Variants in WDR49 observed in about 807,000 individuals in gnomAD.
The protein encoded by WDR49 is cilia- and flagella-associated protein 337.
Under a neutral mutation model 119.5 loss-of-function variants are expected in WDR49, and 107 were observed. The ratio of observed to expected loss-of-function variants is 0.90; its 90% CI spans 0.77 to 1.05. The LOEUF is 1.05. Among genes scored for constraint, WDR49 ranks in the 50% least tolerant of loss-of-function variants. The probability of loss-of-function intolerance (pLI) is 0.00; values close to 1 mark genes in which losing one functional copy is unlikely to be tolerated. For synonymous variants in WDR49, 425 were observed against 418.8 expected (o/e 1.01, Z -0.18); for missense variants, 1,240 against 1,220.5 (o/e 1.02, Z -0.24).
At chr3:167,521,303 T>C (rs954750472) in intron 16 of WDR49, among the ~76,000 whole-genome samples, 1 of 152,104 alleles carries the variant, frequency 6.6e-6, no homozygotes, top group African/African-American at 2.4e-5. Context: ...AAATGTGCAA[T>C]GCAGAGATCC....
intron 17 of WDR49, among the ~76,000 whole-genome samples, chr3:167,503,213 G>A (rs917549691): frequency 2.0e-5 from 3 of 152,246 alleles, no homozygotes; most frequent in African/African-American, 7.2e-5. Flanking sequence ...GTGCAAGAGT[G>A]AAGGAGGCTT....
intron 5 of WDR49, among the ~76,000 whole-genome samples, chr3:167,614,561 A>G (rs928334325): frequency 6.6e-6 from 1 of 152,242 alleles, no homozygotes; most frequent in Admixed American, 6.5e-5. Context: ...GCATTTCAGA[A>G]TGTAATTATT....
chr3:167,531,141 T>C lies in WDR49; in HGVS notation c.2192A>G (p.Lys731Arg). The change falls in exon 13 of 19, where the codon AAA (lysine) becomes AGA (arginine). Residue 731 changes from lysine to arginine, a missense_variant. Coordinates refer to ENST00000682715, the MANE Select transcript of WDR49 (RefSeq NM_001366157.1). ...KNAVMRLCFL[K>R]ARKNTAVTGG... The stretch of plus-strand genomic sequence containing the variant: ...TGTCACTGCAGTGTTTTTTCTTGCT[T>C]TAAGAAAGCAAAGTCTCATAACAGC... 2 of 1,612,310 alleles carry C rather than the reference T, an allele frequency of 1.2e-6. No individual in the cohort carries two copies. Among genetic ancestry groups the C allele is most frequent in the Non-Finnish European group, 1.7e-6 (2 of 1,179,378 alleles).
In WDR49 at chr3:167,557,473, A is replaced by T. The variant is rs192263327; in HGVS notation, c.1674+2591T>A. Among the ~76,000 whole-genome samples, 111 of 152,346 alleles carry T rather than the reference A, an allele frequency of 7.3e-4. 2 individuals carry two copies. The East Asian group carries it at 0.021, about 29-fold the overall frequency. On this transcript the variant is annotated intron_variant, in intron 9 of 18. Coordinates refer to ENST00000682715, the MANE Select transcript of WDR49 (RefSeq NM_001366157.1). Reference sequence around the variant, plus strand: ...AAGGACTATCTATGCAGTAGCATATAATGTAGCCATAAAGAAGAATGAGTC... The same window carrying T: ...AAGGACTATCTATGCAGTAGCATATTATGTAGCCATAAAGAAGAATGAGTC...
In WDR49 at chr3:167,652,735, G is replaced by A. The variant is rs1471356035; in HGVS notation, c.165+526C>T. On this transcript the variant is annotated intron_variant, in intron 2 of 18. Transcript: ENST00000682715. ...GTTCCAGGATTTACAAAATGAGTGG[G>A]AGACTCGTCCCTCATAAGGGATCTT... 2.0e-5 allele frequency among the ~76,000 whole-genome samples: 3 copies of A among 152,122 alleles called. No individual in the cohort carries two copies. The East Asian group carries it at 5.8e-4, about 29-fold the overall frequency.
chr3:167,601,397 A>C (rs1410979778), intron 7 of WDR49, among the ~76,000 whole-genome samples: 1 of 152,210 alleles, frequency 6.6e-6, no homozygotes, highest in Non-Finnish European at 1.5e-5. Context: ...GACTATCTTC[A>C]ATACACTTTA....
chr3:167,588,967 T>C (rs1445461393), intron 7 of WDR49, among the ~76,000 whole-genome samples: 1 of 151,724 alleles, frequency 6.6e-6, no homozygotes, highest in Non-Finnish European at 1.5e-5. Flanking sequence ...CCATTTTTTC[T>C]TCAGTTGCCT....
intron 4 of WDR49, 121 bp downstream of exon 4, chr3:167,621,346 T>TAA: frequency 2.0e-6 from 2 of 1,008,874 alleles, no homozygotes; most frequent in Non-Finnish European, 2.7e-6. Context: ...ATGTCCAATG[T>TAA]GCATGTAATC....
At chr3:167,590,995 A>T (rs567844948) in intron 7 of WDR49, among the ~76,000 whole-genome samples, 28 of 151,832 alleles carry the variant, frequency 1.8e-4, no homozygotes, top group African/African-American at 6.7e-4. Flanking sequence ...ATTCTTTAAG[A>T]GGCACCATTA....
chr3:167,488,532 T>C (rs922648627), intron 18 of WDR49, among the ~76,000 whole-genome samples: 3 of 152,022 alleles, frequency 2.0e-5, no homozygotes, highest in African/African-American at 4.8e-5. Context: ...TTTTAAAAAG[T>C]AAAAAATAAA....
rs1380363367 is a variant in WDR49, at chr3:167,620,264, AT to A, written c.958+164del. On this transcript the variant is annotated intron_variant, in intron 5 of 18. Coordinates refer to ENST00000682715, the MANE Select transcript of WDR49 (RefSeq NM_001366157.1). ...GAAGGAAAAAAAAAAGAAAGAAAGA[AT>A]CCCTGCCAGTATTCAAGGGATAGCA... Among the ~76,000 whole-genome samples, 4 of 152,248 alleles carry A rather than the reference AT, an allele frequency of 2.6e-5. No individual in the cohort carries two copies. In the South Asian group the frequency reaches 8.3e-4, roughly 32 times the overall value.
At chr3:167,617,654 G>C (rs1237513856) in intron 5 of WDR49, among the ~76,000 whole-genome samples, 2 of 152,130 alleles carry the variant, frequency 1.3e-5, no homozygotes, top group African/African-American at 4.8e-5. Flanking sequence ...ACTGGGAAGA[G>C]TCTATGCATT....
chr3:167,596,701 C>G (rs1228613829), intron 7 of WDR49, among the ~76,000 whole-genome samples: 1 of 119,234 alleles, frequency 8.4e-6, no homozygotes, highest in Non-Finnish European at 1.6e-5. Context: ...AGGGGAACAT[C>G]ACACTCTGGG....
In WDR49 at chr3:167,638,911, C is replaced by A. The variant is rs997972495; in HGVS notation, c.166-11619G>T. 6.6e-5 allele frequency among the ~76,000 whole-genome samples: 10 copies of A among 151,752 alleles called. No homozygotes were observed. In the East Asian group the frequency reaches 1.9e-3, roughly 29 times the overall value. ...TTCAACATTTCGATTTCCTATCCAGCTGGTGAATTAGAAGGGAATTGAAGC... is the reference window on the plus strand; with the variant it reads ...TTCAACATTTCGATTTCCTATCCAGATGGTGAATTAGAAGGGAATTGAAGC... On this transcript the variant is annotated intron_variant, in intron 2 of 18. Coordinates refer to ENST00000682715, the MANE Select transcript of WDR49 (RefSeq NM_001366157.1).
intron 5 of WDR49, 48 bp downstream of exon 5, chr3:167,620,381 A>G (rs934021069): frequency 4.8e-6 from 7 of 1,458,700 alleles, no homozygotes; most frequent in East Asian, 2.6e-5. Context: ...ATATAAATGT[A>G]CAAGTCAGAG....
At chr3:167,654,363 T>A (rs1462278518), upstream of WDR49, among the ~76,000 whole-genome samples, 1 of 152,166 alleles carries the variant, frequency 6.6e-6, no homozygotes, top group Non-Finnish European at 1.5e-5. Context: ...TTCCAACTTG[T>A]TGAAAATGTG....
At chr3:167,501,610 T>G (rs1436938719) in intron 17 of WDR49, among the ~76,000 whole-genome samples, 2 of 152,194 alleles carry the variant, frequency 1.3e-5, no homozygotes, top group Admixed American at 6.5e-5. Flanking sequence ...TATGAAAGTG[T>G]GACATTCCCT....
intron 8 of WDR49, among the ~76,000 whole-genome samples, chr3:167,573,391 TACACACACACACACACAC>T (rs57955643): frequency 7.0e-6 from 1 of 142,276 alleles, no homozygotes; most frequent in Non-Finnish European, 1.5e-5. Context: ...TTATGTGGAA[TACACACACACACACACAC>T]ACACACACAC....
chr3:167,499,771 T>C (rs1751488761), intron 18 of WDR49, among the ~76,000 whole-genome samples: 1 of 152,182 alleles, frequency 6.6e-6, no homozygotes, highest in Non-Finnish European at 1.5e-5. Context: ...GTGTTTCACA[T>C]GAAAATAAAA....
Sources: gnomAD v4.1 joint callset for allele counts (sites outside exome capture counted in the v4.1 genomes callset) on GRCh38, gnomAD v4.1.1 for gene constraint, MANE v1.5 for transcripts, NCBI Gene and HGNC (gene_info 2026-07-23, HGNC 2026-07-21) for gene names.